The following STARD13 variants were observed in gnomAD, a reference collection of about 807,000 sequenced individuals.
The protein encoded by STARD13 is StAR related lipid transfer domain containing 13.
STARD13 carries 62 observed loss-of-function variants against 106.4 expected under a neutral mutation model. The ratio of observed to expected loss-of-function variants is 0.58; its 90% CI spans 0.48 to 0.72. The LOEUF is 0.72. STARD13 is among the 30% of genes least tolerant of loss of function. STARD13 has a pLI of 0.00. For missense variants in STARD13, 1,387 were observed against 1,424.0 expected, an observed-to-expected ratio of 0.97 and a Z score of 0.42; for synonymous variants, 565 against 553.0, an observed-to-expected ratio of 1.02 and a Z score of -0.31.
the STARD13 span, among the ~76,000 whole-genome samples, chr13:33,445,988 T>C: frequency 6.6e-6 from 1 of 152,152 alleles, no homozygotes; most frequent in South Asian, 2.1e-4. Flanking sequence ...ACTCCTCATG[T>C]TAGCTACCCA....
chr13:33,361,027 C>T, the STARD13 span, among the ~76,000 whole-genome samples: 4 of 146,936 alleles, frequency 2.7e-5, no homozygotes, highest in East Asian at 2.1e-4. Flanking sequence ...AGGATGATCT[C>T]GATCTCCTGA....
At chr13:33,163,046 C>T (rs886239077) in intron 3 of STARD13, among the ~76,000 whole-genome samples, 4 of 152,038 alleles carry the variant, frequency 2.6e-5, no homozygotes, top group African/African-American at 7.2e-5. Context: ...AGAATCATGG[C>T]GGGAGGCAAA....
intron 1 of STARD13, among the ~76,000 whole-genome samples, chr13:33,167,977 A>G (rs1883524581): frequency 1.6e-5 from 1 of 61,610 alleles, no homozygotes; most frequent in Non-Finnish European, 3.1e-5. Context: ...CTTCTTTACA[A>G]TTCTTTTTTT....
chr13:33,368,473 T>G, the STARD13 span, among the ~76,000 whole-genome samples: 1 of 152,006 alleles, frequency 6.6e-6, no homozygotes, highest in African/African-American at 2.4e-5. Flanking sequence ...AAATAATGAG[T>G]GACTAGGATG....
At chr13:33,666,288 T>A in the STARD13 span, among the ~76,000 whole-genome samples, 2 of 152,170 alleles carry the variant, frequency 1.3e-5, no homozygotes, top group South Asian at 4.1e-4. Context: ...GAAATAATTT[T>A]TTTTGTTGTT....
chr13:33,191,394 C>T (rs779575437), intron 1 of STARD13, among the ~76,000 whole-genome samples: 3 of 152,156 alleles, frequency 2.0e-5, no homozygotes, highest in African/African-American at 4.8e-5. Flanking sequence ...AATGAGGGCT[C>T]TTTTAGAGTC....
the STARD13 span, among the ~76,000 whole-genome samples, chr13:33,665,944 T>C: frequency 6.6e-6 from 1 of 152,146 alleles, no homozygotes; most frequent in Non-Finnish European, 1.5e-5. Flanking sequence ...GGGCTGCACG[T>C]GTCAGTAGAA....
intron 1 of STARD13, among the ~76,000 whole-genome samples, chr13:33,186,471 A>G (rs1046740800): frequency 2.6e-5 from 4 of 152,216 alleles, no homozygotes; most frequent in Non-Finnish European, 5.9e-5. Flanking sequence ...CTTTAAGACC[A>G]TAAATACAGT....
At chr13:33,440,041 T>A in the STARD13 span, among the ~76,000 whole-genome samples, 1 of 152,100 alleles carries the variant, frequency 6.6e-6, no homozygotes, top group African/African-American at 2.4e-5. Context: ...TCAGCAGGCC[T>A]AGGTGGGAGT....
At chr13:33,514,988 G>A in the STARD13 span, among the ~76,000 whole-genome samples, 5 of 152,078 alleles carry the variant, frequency 3.3e-5, no homozygotes, top group Non-Finnish European at 5.9e-5. Flanking sequence ...TACAATTACC[G>A]CTTCCAGGTT....
At chr13:33,492,703 T>C in the STARD13 span, among the ~76,000 whole-genome samples, 10 of 152,318 alleles carry the variant, frequency 6.6e-5, no homozygotes, top group South Asian at 1.9e-3. Context: ...TTGTTTAGCA[T>C]ATAATCAAGA....
At chr13:33,437,824 G>A in the STARD13 span, among the ~76,000 whole-genome samples, 2 of 152,098 alleles carry the variant, frequency 1.3e-5, no homozygotes, top group African/African-American at 2.4e-5. Context: ...TGTGAAAATC[G>A]ATTTGACTGT....
chr13:33,317,058 G>A (rs1410690475), intron 1 of STARD13, among the ~76,000 whole-genome samples: 1 of 152,060 alleles, frequency 6.6e-6, no homozygotes, highest in Non-Finnish European at 1.5e-5. Context: ...TTCCCTTGCT[G>A]ACCTCTGAGG....
the STARD13 span, among the ~76,000 whole-genome samples, chr13:33,500,447 C>G: frequency 6.6e-6 from 1 of 152,112 alleles, no homozygotes; most frequent in Non-Finnish European, 1.5e-5. Flanking sequence ...TATCATTATA[C>G]TTATAAAAGT....
At chr13:33,651,043 T>C in the STARD13 span, among the ~76,000 whole-genome samples, 1 of 152,258 alleles carries the variant, frequency 6.6e-6, no homozygotes, top group Non-Finnish European at 1.5e-5. Flanking sequence ...ACTCATGGAC[T>C]AAGACAAGGT....
intron 1 of STARD13, among the ~76,000 whole-genome samples, chr13:33,263,163 A>C (rs1438572412): frequency 6.6e-6 from 1 of 152,106 alleles, no homozygotes; most frequent in Non-Finnish European, 1.5e-5. Context: ...GGGCCACATA[A>C]TTCTTTGGTG....
the STARD13 span, among the ~76,000 whole-genome samples, chr13:33,645,382 T>C: frequency 2.0e-5 from 3 of 152,262 alleles, no homozygotes; most frequent in South Asian, 2.1e-4. Flanking sequence ...TACCAGATGA[T>C]GTGTCTATAG....
At chr13:33,328,237 A>G (rs1337502297) in intron 1 of STARD13, among the ~76,000 whole-genome samples, 1 of 152,236 alleles carries the variant, frequency 6.6e-6, no homozygotes, top group Non-Finnish European at 1.5e-5. Flanking sequence ...TTCTAAACCA[A>G]TATGTTCAGA....
chr13:33,504,483 T>C, the STARD13 span, among the ~76,000 whole-genome samples: 1 of 152,000 alleles, frequency 6.6e-6, no homozygotes, highest in African/African-American at 2.4e-5. Context: ...GAAACCATCA[T>C]TCTGAGCAAA....
Sources: gnomAD v4.1 joint callset for allele counts (sites outside exome capture counted in the v4.1 genomes callset) on GRCh38, gnomAD v4.1.1 for gene constraint, MANE v1.5 for transcripts, NCBI Gene and HGNC (gene_info 2026-07-23, HGNC 2026-07-21) for gene names.